Variants in CNBD1 observed in about 807,000 individuals in gnomAD.
CNBD1 encodes cyclic nucleotide binding domain containing 1.
CNBD1 carries 71 observed loss-of-function variants against 54.4 expected under a neutral mutation model. That is an observed-to-expected ratio of 1.30 (90% CI 1.08 to 1.59). The LOEUF is 1.59. Ranked by LOEUF, CNBD1 falls within the 40% of genes most tolerant of loss-of-function variation. CNBD1 has a pLI of 0.00. For missense variants in CNBD1, 659 were observed against 518.0 expected (o/e 1.27, Z -2.64); for synonymous variants, 182 against 170.7 (o/e 1.07, Z -0.51).
intron 4 of CNBD1, among the ~76,000 whole-genome samples, chr8:87,108,495 A>T (rs1811589654): frequency 6.6e-6 from 1 of 152,174 alleles, no homozygotes. Flanking sequence ...CTGCATTGTG[A>T]CATGATATTT....
chr8:87,106,981 A>G (rs1811552886), intron 4 of CNBD1, among the ~76,000 whole-genome samples: 1 of 151,914 alleles, frequency 6.6e-6, no homozygotes, highest in African/African-American at 2.4e-5. Context: ...GGCACCCACC[A>G]CCGTGCCCGG....
At chr8:87,372,770 A>G (rs1466392581) in intron 10 of CNBD1, among the ~76,000 whole-genome samples, 2 of 151,828 alleles carry the variant, frequency 1.3e-5, no homozygotes, top group African/African-American at 2.4e-5. Flanking sequence ...CACCTCATAT[A>G]TGGCAAATTT....
chr8:87,421,257 T>A (rs925792652), intron 2 of CNBD1, among the ~76,000 whole-genome samples: 1 of 151,434 alleles, frequency 6.6e-6, no homozygotes, highest in Non-Finnish European at 1.5e-5. Flanking sequence ...GTTCATTTTT[T>A]ATTTTTTATT....
intron 8 of CNBD1, among the ~76,000 whole-genome samples, chr8:87,287,638 A>T (rs914133781): frequency 6.6e-6 from 1 of 152,176 alleles, no homozygotes; most frequent in Non-Finnish European, 1.5e-5. Context: ...TAGTTATGAA[A>T]TCTGGCTAAG....
chr8:87,042,815 A>T (rs1228217702), intron 4 of CNBD1, among the ~76,000 whole-genome samples: 1 of 152,046 alleles, frequency 6.6e-6, no homozygotes, highest in African/African-American at 2.4e-5. Flanking sequence ...TTGTATTATA[A>T]ATATGCTTGT....
intron 4 of CNBD1, among the ~76,000 whole-genome samples, chr8:87,000,518 C>T (rs1808969817): frequency 6.6e-6 from 1 of 152,062 alleles, no homozygotes; most frequent in African/African-American, 2.4e-5. Context: ...TCTCATTTTA[C>T]CTTAGTTTTC....
intron 4 of CNBD1, among the ~76,000 whole-genome samples, chr8:86,991,847 CT>C (rs1397845276): frequency 1.3e-5 from 2 of 152,194 alleles, no homozygotes; most frequent in East Asian, 3.9e-4. Flanking sequence ...GATATTGATT[CT>C]ATTTTTATTG....
intron 8 of CNBD1, among the ~76,000 whole-genome samples, chr8:87,320,729 A>G (rs76423901): frequency 1.3e-5 from 2 of 152,108 alleles, no homozygotes; most frequent in Non-Finnish European, 2.9e-5. Flanking sequence ...GTGATAAAAA[A>G]CATGAGACCT....
Position 87,286,608 on chromosome 8 carries a change from C to T in CNBD1, c.979C>T (p.Pro327Ser), listed in dbSNP as rs1244427026. The T allele has an allele frequency of 1.3e-6, 2 of 1,513,170 alleles. No homozygotes were observed. Among genetic ancestry groups the T allele is most frequent in the Non-Finnish European group, 1.8e-6 (2 of 1,111,490 alleles). 93.7% of individuals were successfully genotyped at this position (1,513,170 alleles called of 1,614,324 possible). ...TATGTGTCCTTATTATGAGGAATGG[C>T]CTACTTTATCCATATATGAGCTAAT... ...IRMCPYYEEW[P>S]TLSIYELIAL... is the part of the protein sequence containing the mutation. The change falls in exon 8 of 11, where the codon CCT becomes TCT. Residue 327 changes from proline (P) to serine (S), a missense_variant. Transcript: ENST00000518476.
At chr8:87,192,205 G>A (rs555075122) in intron 4 of CNBD1, among the ~76,000 whole-genome samples, 200 of 152,132 alleles carry the variant, frequency 1.3e-3, no homozygotes, top group African/African-American at 4.3e-3. Flanking sequence ...TTTTTTTCTA[G>A]ATTTGATGAT....
At chr8:87,355,063 T>C (rs1421481053) in intron 10 of CNBD1, among the ~76,000 whole-genome samples, 1 of 152,176 alleles carries the variant, frequency 6.6e-6, no homozygotes, top group Non-Finnish European at 1.5e-5. Flanking sequence ...GGAACACTTT[T>C]ACACTGCTGG....
chr8:87,171,345 A>C (rs2130768627), intron 4 of CNBD1, among the ~76,000 whole-genome samples: 2 of 151,528 alleles, frequency 1.3e-5, no homozygotes, highest in South Asian at 4.2e-4. Flanking sequence ...GATGCTTTGA[A>C]TTTCTGTGGT....
intron 4 of CNBD1, among the ~76,000 whole-genome samples, chr8:87,147,838 G>T (rs1812521822): frequency 1.3e-5 from 2 of 152,116 alleles, no homozygotes; most frequent in Admixed American, 1.3e-4. Flanking sequence ...AGGACTGATT[G>T]GGTTGTGGTT....
intron 6 of CNBD1, among the ~76,000 whole-genome samples, chr8:87,268,319 T>C (rs1186229532): frequency 6.6e-6 from 1 of 152,194 alleles, no homozygotes; most frequent in African/African-American, 2.4e-5. Flanking sequence ...GTTCATGGTG[T>C]ATATGTACCA....
Position 87,236,994 on chromosome 8 carries a change from T to C in CNBD1, c.653T>C (p.Ile218Thr), listed in dbSNP as rs1272990313. The change falls in exon 6 of 11, where the codon ATT becomes ACT. Residue 218 changes from isoleucine to threonine, a missense_variant. Coordinates refer to ENST00000518476, the MANE Select transcript of CNBD1 (RefSeq NM_173538.3). ...RPQTNVYKNL[I>T]EGSDSPDSFI... Reference sequence around the variant, plus strand: ...CAAACAAACGTGTATAAAAATCTGATTGAAGGAAGTGATTCACCAGACTCG... The same window carrying C: ...CAAACAAACGTGTATAAAAATCTGACTGAAGGAAGTGATTCACCAGACTCG... 1.9e-6 allele frequency: 3 copies of C among 1,612,524 alleles called. No homozygotes were observed. Among genetic ancestry groups the C allele is most frequent in the East Asian group, 4.5e-5 (2 of 44,820 alleles).
At chr8:87,371,317 G>A (rs1439012893) in intron 10 of CNBD1, among the ~76,000 whole-genome samples, 1 of 151,950 alleles carries the variant, frequency 6.6e-6, no homozygotes, top group Non-Finnish European at 1.5e-5. Flanking sequence ...ATTACCTTGG[G>A]CAGTATGGCC....
At chr8:87,007,707 A>C (rs999738104) in intron 4 of CNBD1, among the ~76,000 whole-genome samples, 1 of 152,204 alleles carries the variant, frequency 6.6e-6, no homozygotes, top group Non-Finnish European at 1.5e-5. Flanking sequence ...AATGTATTTT[A>C]GATAACATTC....
chr8:87,000,136 A>G (rs1808962344), intron 4 of CNBD1, among the ~76,000 whole-genome samples: 2 of 152,098 alleles, frequency 1.3e-5, no homozygotes. Context: ...TGTAATCCTA[A>G]TAATCACCAT....
At chr8:86,888,531 GT>G (rs1289374316) in intron 2 of CNBD1, among the ~76,000 whole-genome samples, 1 of 152,020 alleles carries the variant, frequency 6.6e-6, no homozygotes, top group Non-Finnish European at 1.5e-5. Flanking sequence ...CTCTGCCTTG[GT>G]TTTTTCATTG....
Sources: allele counts gnomAD v4.1 joint callset (sites outside exome capture counted in the v4.1 genomes callset), GRCh38; gene constraint gnomAD v4.1.1; transcripts MANE v1.5; gene names NCBI Gene and HGNC (gene_info 2026-07-23, HGNC 2026-07-21).